The following LRP1B variants were observed in gnomAD, a reference collection of about 807,000 sequenced individuals.
LRP1B encodes the protein LDL receptor related protein 1B, also known as low-density lipoprotein receptor-related protein 1B.
LRP1B carries 217 observed loss-of-function variants against 556.6 expected under a neutral mutation model. That is an observed-to-expected ratio of 0.39 (90% confidence interval 0.35 to 0.44). The LOEUF (loss-of-function observed/expected upper bound fraction) is 0.44, where lower values mean the gene tolerates loss of function less well. Ranked by LOEUF, LRP1B falls within the 20% of genes least tolerant of loss-of-function variation. The pLI is 1.00. For synonymous variants in LRP1B, 2,047 were observed against 1,865.8 expected, an observed-to-expected ratio of 1.10 and a Z score of -2.50; for missense variants, 5,053 against 5,620.8, an observed-to-expected ratio of 0.90 and a Z score of 3.23.
chr2:141,091,861 AG>A (rs760373478), intron 7 of LRP1B, among the ~76,000 whole-genome samples: 1 of 152,230 alleles, frequency 6.6e-6, no homozygotes, highest in Non-Finnish European at 1.5e-5. Context: ...TGGTGGTAGG[AG>A]GTACTTCTTA....
At chr2:141,987,549 G>GTTTTTTTTTTTTTTTTTTTTT (rs5834887) in intron 1 of LRP1B, among the ~76,000 whole-genome samples, 2 of 139,982 alleles carry the variant, frequency 1.4e-5, no homozygotes, top group Non-Finnish European at 3.1e-5. Context: ...GATTTAAGCT[G>GTTTTTTTTTTTTTTTTTTTTT]TTTTTTTTTT....
At chr2:140,568,341 A>T (rs1352256527) in intron 43 of LRP1B, among the ~76,000 whole-genome samples, 1 of 151,920 alleles carries the variant, frequency 6.6e-6, no homozygotes, top group Non-Finnish European at 1.5e-5. Context: ...TGAATAAAAT[A>T]AAAAAATATA....
chr2:141,327,175 A>C lies in LRP1B; in HGVS notation c.344-72534T>G, dbSNP rs542628919. On this transcript the variant is annotated intron_variant, in intron 3 of 90. Transcript: ENST00000389484. ...TTCAAGCAGGCAACACAGGGAAGAGAGCAGTGTTAAAGAGCAAAGATAATG... is the reference window on the plus strand; with the variant it reads ...TTCAAGCAGGCAACACAGGGAAGAGCGCAGTGTTAAAGAGCAAAGATAATG... Among the ~76,000 whole-genome samples, 116 of 152,262 alleles carry C rather than the reference A, an allele frequency of 7.6e-4. 1 individual carries two copies. Among genetic ancestry groups the C allele is most frequent in the Middle Eastern group, 6.8e-3 (2 of 294 alleles).
chr2:141,250,993 T>C lies in LRP1B; in HGVS notation c.463+3529A>G, dbSNP rs1180117390. 2.0e-5 allele frequency among the ~76,000 whole-genome samples: 3 copies of C among 152,192 alleles called. No individual in the cohort carries two copies. In the East Asian group the frequency reaches 5.8e-4, roughly 29 times the overall value. ...GTTGTGATATAAAACATTTTCCTAC[T>C]AAGTCTTCAGTAAAACTTACTACAT... On this transcript the variant is annotated intron_variant, in intron 4 of 90. Coordinates refer to ENST00000389484, the MANE Select transcript of LRP1B (RefSeq NM_018557.3).
chr2:140,335,554 G>C (rs1224377266), intron 78 of LRP1B, 61 bp downstream of exon 78: 1 of 989,794 alleles, frequency 1.0e-6, no homozygotes, highest in Non-Finnish European at 1.6e-6. Context: ...AATCTATAGA[G>C]CATAATTTCT....
At chr2:141,715,385 C>A (rs1692542615) in intron 2 of LRP1B, among the ~76,000 whole-genome samples, 1 of 152,024 alleles carries the variant, frequency 6.6e-6, no homozygotes, top group Admixed American at 6.6e-5. Context: ...GTGAGAGGAT[C>A]ACTAGAGCCA....
chr2:142,121,591 G>C (rs749693406), intron 1 of LRP1B, among the ~76,000 whole-genome samples: 7 of 152,102 alleles, frequency 4.6e-5, no homozygotes, highest in Non-Finnish European at 1.0e-4. Flanking sequence ...TACCAAATAT[G>C]TCACTTACTC....
intron 41 of LRP1B, among the ~76,000 whole-genome samples, chr2:140,658,916 A>G (rs985297585): frequency 6.6e-6 from 1 of 151,926 alleles, no homozygotes; most frequent in Admixed American, 6.6e-5. Flanking sequence ...TGGGCTGTTT[A>G]TGAATTCTAA....
chr2:141,233,656 TATA>T (rs1291081876), intron 5 of LRP1B, among the ~76,000 whole-genome samples: 1 of 152,236 alleles, frequency 6.6e-6, no homozygotes, highest in East Asian at 1.9e-4. Flanking sequence ...TTTATTTACT[TATA>T]ATAATATGAT....
chr2:141,359,516 G>T (rs1688743052), intron 3 of LRP1B, among the ~76,000 whole-genome samples: 2 of 152,150 alleles, frequency 1.3e-5, no homozygotes, highest in Admixed American at 1.3e-4. Flanking sequence ...CCAGCACTTT[G>T]GGAGGCCAAG....
chr2:141,295,319 A>G (rs908179160), intron 3 of LRP1B, among the ~76,000 whole-genome samples: 25 of 152,312 alleles, frequency 1.6e-4, no homozygotes, highest in African/African-American at 5.8e-4. Context: ...TTGGGTTTAC[A>G]AAAGAGATAC....
chr2:140,773,720 T>C (rs1367441496), intron 33 of LRP1B, among the ~76,000 whole-genome samples: 2 of 151,770 alleles, frequency 1.3e-5, no homozygotes, highest in African/African-American at 2.4e-5. Context: ...ACATTTCATA[T>C]ATCCTTTGTT....
At chr2:141,352,383 A>T (rs1007831316) in intron 3 of LRP1B, among the ~76,000 whole-genome samples, 22 of 151,846 alleles carry the variant, frequency 1.4e-4, no homozygotes, top group South Asian at 4.2e-4. Flanking sequence ...CCTTTTTAAA[A>T]TTTTTTTTAT....
At chr2:141,946,438 C>T (rs1268389774) in intron 1 of LRP1B, among the ~76,000 whole-genome samples, 5 of 152,036 alleles carry the variant, frequency 3.3e-5, no homozygotes, top group East Asian at 1.9e-4. Context: ...GAACTTTAGA[C>T]GTGAATGAGA....
chr2:140,415,534 CTCTT>C (rs888265212), intron 66 of LRP1B, among the ~76,000 whole-genome samples: 8 of 152,284 alleles, frequency 5.3e-5, no homozygotes, highest in East Asian at 1.9e-4. Context: ...TGTACTGTCT[CTCTT>C]TATTTCTCAG....
intron 2 of LRP1B, among the ~76,000 whole-genome samples, chr2:141,752,877 G>A (rs76314674): frequency 0.13 from 18,138 of 136,362 alleles, 1,408 homozygotes; most frequent in African/African-American, 0.22. Context: ...CCGGGAGGTT[G>A]AGCCTACAAT....
At chr2:141,447,644 T>G (rs1438493473) in intron 3 of LRP1B, among the ~76,000 whole-genome samples, 1 of 152,196 alleles carries the variant, frequency 6.6e-6, no homozygotes, top group Non-Finnish European at 1.5e-5. Flanking sequence ...TTCTGTTTGT[T>G]AGTTTTCCTT....
At chr2:140,870,297 C>T (rs1001265814) in intron 25 of LRP1B, among the ~76,000 whole-genome samples, 2 of 152,116 alleles carry the variant, frequency 1.3e-5, no homozygotes, top group Non-Finnish European at 2.9e-5. Flanking sequence ...ATAGCCACCC[C>T]ACTCAGAGGT....
At chr2:141,921,669 A>G (rs1239583890) in intron 1 of LRP1B, among the ~76,000 whole-genome samples, 1 of 152,064 alleles carries the variant, frequency 6.6e-6, no homozygotes, top group Non-Finnish European at 1.5e-5. Context: ...TTAAATTTTT[A>G]AACATCTTTT....
Sources: gnomAD v4.1 joint callset for allele counts (sites outside exome capture counted in the v4.1 genomes callset) on GRCh38, gnomAD v4.1.1 for gene constraint, MANE v1.5 for transcripts, NCBI Gene and HGNC (gene_info 2026-07-23, HGNC 2026-07-21) for gene names.